Variants in PI4KA observed in about 807,000 individuals in gnomAD.
PI4KA encodes the protein phosphatidylinositol 4-kinase alpha.
A neutral mutation model predicts 271.4 loss-of-function variants in PI4KA; 122 were observed. The ratio of observed to expected loss-of-function variants is 0.45; its 90% CI spans 0.39 to 0.52. PI4KA has a LOEUF of 0.52. Among genes scored for constraint, PI4KA ranks in the 20% least tolerant of loss-of-function variants. The probability of loss-of-function intolerance (pLI) is 0.00; values close to 1 mark genes in which losing one functional copy is unlikely to be tolerated. For missense variants in PI4KA, 1,969 were observed against 2,769.1 expected (o/e 0.71, Z 6.48); for synonymous variants, 1,041 against 1,078.8 (o/e 0.96, Z 0.69).
Position 20,709,888 on chromosome 22 carries a change from G to A in PI4KA, c.6173+20C>T, listed in dbSNP as rs73877755. On this transcript the variant is annotated intron_variant, in intron 53 of 54. Coordinates refer to ENST00000255882, the MANE Select transcript of PI4KA (RefSeq NM_058004.4). ...GACAACTGTCCCCCAGATGGCCTGC[G>A]TGTCCACCAAGGAACCTACTTCAAG... is the stretch of plus-strand genomic sequence containing the variant. 3.2e-5 allele frequency: 44 copies of A among 1,355,844 alleles called. No homozygotes were observed. The highest frequency in any genetic ancestry group is 1.3e-4 in the South Asian group (11 of 85,970). 84.0% of individuals were successfully genotyped at this position (1,355,844 alleles called of 1,614,324 possible). A position where few individuals can be genotyped will look rare whatever the true frequency, so the allele number is the denominator to read the frequency against.
At chr22:20,763,771 C>A (rs958884688) in intron 22 of PI4KA, among the ~76,000 whole-genome samples, 2 of 152,176 alleles carry the variant, frequency 1.3e-5, no homozygotes, top group Non-Finnish European at 2.9e-5. Context: ...GAAAAAAGAA[C>A]AAAGTCAACA....
intron 19 of PI4KA, chr22:20,780,310 A>G (rs1290731365): frequency 2.0e-6 from 3 of 1,529,708 alleles, no homozygotes; most frequent in Non-Finnish European, 2.7e-6. Flanking sequence ...ATCCAGGAAA[A>G]CTAGACACAA....
At position 20,812,320 on chromosome 22, in the gene PI4KA, C is replaced by T. The variant is rs1277654160; in HGVS notation, c.1005+1038G>A. 2.6e-5 allele frequency among the ~76,000 whole-genome samples: 4 copies of T among 152,124 alleles called. No homozygotes were observed. The East Asian group carries it at 5.8e-4, about 22-fold the overall frequency. ...TTAATTATTACCTATGTTGTAATGT[C>T]TTCTTACATCTTCAGCCTGAAGCCA... is the stretch of plus-strand genomic sequence containing the variant. On this transcript the variant is annotated intron_variant, in intron 8 of 54. Coordinates refer to ENST00000255882, the MANE Select transcript of PI4KA (RefSeq NM_058004.4).
At chr22:20,747,403 G>A in intron 29 of PI4KA, 180 bp downstream of exon 29, 2 of 499,394 alleles carry the variant, frequency 4.0e-6, no homozygotes, top group Non-Finnish European at 6.9e-6. Context: ...TCATTTCAAT[G>A]GCCACCTCTT....
At chr22:20,775,757 T>G (rs370707576) in intron 19 of PI4KA, among the ~76,000 whole-genome samples, 1 of 152,208 alleles carries the variant, frequency 6.6e-6, no homozygotes, top group African/African-American at 2.4e-5. Flanking sequence ...CCCAAGATGC[T>G]AAGATTACAG....
intron 36 of PI4KA, 115 bp downstream of exon 36, chr22:20,732,856 G>C (rs1928239367): frequency 2.5e-6 from 3 of 1,188,922 alleles, no homozygotes; most frequent in Non-Finnish European, 3.7e-6. Flanking sequence ...CAAGGCCAGG[G>C]CTCAGGGGGG....
rs141199117 is a variant in PI4KA, at chr22:20,813,492, C to T, written c.871G>A (p.Asp291Asn). ...TACTCAGGCTCTAGGGCAGTCCCAT[C>T]GGGCAAGCAGGAGGCTGGTGGGAGA... ...FHYFEASCLP[D>N]GTALEPEYYF... The change falls in exon 8 of 55, where the codon GAT (aspartate) becomes AAT (asparagine). Residue 291 changes from aspartate to asparagine, a missense_variant. Transcript: ENST00000255882. 1.3e-4 allele frequency: 210 copies of T among 1,613,864 alleles called. 1 individual carries two copies. The Middle Eastern group carries it at 1.5e-3, about 11-fold the overall frequency.
intron 14 of PI4KA, among the ~76,000 whole-genome samples, chr22:20,800,486 T>C (rs1935231555): frequency 6.6e-6 from 1 of 151,920 alleles, no homozygotes; most frequent in Admixed American, 6.6e-5. Context: ...GTAAAGAAAA[T>C]ATGATGATAC....
intron 19 of PI4KA, among the ~76,000 whole-genome samples, chr22:20,773,142 T>A (rs1932967327): frequency 6.6e-6 from 1 of 151,790 alleles, no homozygotes; most frequent in South Asian, 2.1e-4. Flanking sequence ...TCCCAGCACT[T>A]TGGGAGGCCG....
At chr22:20,788,951 T>A (rs1934450009) in intron 19 of PI4KA, among the ~76,000 whole-genome samples, 1 of 152,156 alleles carries the variant, frequency 6.6e-6, no homozygotes, top group Non-Finnish European at 1.5e-5. Context: ...AAGGCAGTGG[T>A]CACTTCTGCT....
intron 7 of PI4KA, among the ~76,000 whole-genome samples, chr22:20,817,428 G>A (rs1043945864): frequency 6.6e-6 from 1 of 151,972 alleles, no homozygotes; most frequent in African/African-American, 2.4e-5. Context: ...TTTGTGAACA[G>A]CAGAGCTCTA....
rs754121827 is a variant in PI4KA, at chr22:20,742,574, G to C, written c.3613+34C>G. 7 of 1,611,160 alleles carry C rather than the reference G, an allele frequency of 4.3e-6. No homozygotes were observed. In the South Asian group the frequency reaches 5.5e-5, roughly 13 times the overall value. The stretch of plus-strand genomic sequence containing the variant: ...TCAAGGCCAGCATTCATTTAGAAAC[G>C]AGCCCAGAATTCCACAGTGCTTCAG... On this transcript the variant is annotated intron_variant, in intron 31 of 54. Transcript: ENST00000255882.
chr22:20,801,185 A>T (rs73390412), intron 14 of PI4KA, among the ~76,000 whole-genome samples: 2 of 151,236 alleles, frequency 1.3e-5, no homozygotes, highest in African/African-American at 4.8e-5. Flanking sequence ...CCACCACACC[A>T]GGCCTCTTAT....
chr22:20,743,532 T>C (rs2147291225), intron 30 of PI4KA, among the ~76,000 whole-genome samples: 1 of 152,230 alleles, frequency 6.6e-6, no homozygotes, highest in African/African-American at 2.4e-5. Context: ...CATAGTTCAC[T>C]GCATCCTCGA....
chr22:20,787,333 T>C, intron 19 of PI4KA: 1 of 493,236 alleles, frequency 2.0e-6, no homozygotes, highest in East Asian at 3.9e-5. Flanking sequence ...CTCCCCACTC[T>C]TCACAGCAAA....
At chr22:20,784,173 C>T in intron 19 of PI4KA, 2 of 1,614,168 alleles carry the variant, frequency 1.2e-6, no homozygotes, top group African/African-American at 1.3e-5. Flanking sequence ...CACAAGATGT[C>T]TGGGATGAAG....
At chr22:20,820,463 C>T in intron 5 of PI4KA, 76 bp downstream of exon 5, 1 of 967,564 alleles carries the variant, frequency 1.0e-6, no homozygotes, top group Non-Finnish European at 1.6e-6. Context: ...TACCCAACAA[C>T]AGAAAAGACT....
intron 50 of PI4KA, among the ~76,000 whole-genome samples, chr22:20,711,962 C>G (rs1925338558): frequency 6.6e-6 from 1 of 151,684 alleles, no homozygotes; most frequent in Non-Finnish European, 1.5e-5. Context: ...TCAGGATGGT[C>G]TCGATCTCTT....
chr22:20,781,344 G>A (rs1297189196), intron 19 of PI4KA, among the ~76,000 whole-genome samples: 2 of 152,214 alleles, frequency 1.3e-5, no homozygotes, highest in African/African-American at 2.4e-5. Flanking sequence ...GACTAATTGC[G>A]GTGACACACA....
Sources: gnomAD v4.1 joint callset for allele counts (sites outside exome capture counted in the v4.1 genomes callset) on GRCh38, gnomAD v4.1.1 for gene constraint, MANE v1.5 for transcripts, NCBI Gene and HGNC (gene_info 2026-07-23, HGNC 2026-07-21) for gene names.